CPNE4: variants seen among roughly 807,000 people sequenced by gnomAD.
The protein encoded by CPNE4 is copine 4.
In CPNE4, 25 loss-of-function variants were observed where a neutral mutation model predicts 67.9. The ratio of observed to expected loss-of-function variants is 0.37; its 90% CI spans 0.27 to 0.51. The LOEUF is 0.51. CPNE4 is among the 20% of genes least tolerant of loss of function. The pLI, the probability that CPNE4 is intolerant of heterozygous loss-of-function variation, is 0.93. For missense variants in CPNE4, 464 were observed against 690.8 expected, an observed-to-expected ratio of 0.67 and a Z score of 3.68; for synonymous variants, 242 against 244.9, an observed-to-expected ratio of 0.99 and a Z score of 0.11.
chr3:131,766,048 A>G (rs982416322), intron 2 of CPNE4, among the ~76,000 whole-genome samples: 1 of 152,128 alleles, frequency 6.6e-6, no homozygotes, highest in Admixed American at 6.6e-5. Flanking sequence ...CAGAAGGTCC[A>G]TTTGTTGGTG....
chr3:131,820,406 A>G (rs1479340364), intron 2 of CPNE4, among the ~76,000 whole-genome samples: 1 of 152,148 alleles, frequency 6.6e-6, no homozygotes, highest in Non-Finnish European at 1.5e-5. Flanking sequence ...CAGCCAATAA[A>G]TGTGGCTGCT....
intron 2 of CPNE4, among the ~76,000 whole-genome samples, chr3:131,824,440 C>A (rs985926841): frequency 1.3e-5 from 2 of 152,128 alleles, no homozygotes; most frequent in African/African-American, 4.8e-5. Context: ...ACATCAGCAA[C>A]CTTTGAAAAT....
At chr3:131,855,640 T>C (rs1219985755) in intron 2 of CPNE4, among the ~76,000 whole-genome samples, 2 of 151,966 alleles carry the variant, frequency 1.3e-5, no homozygotes, top group African/African-American at 4.8e-5. Flanking sequence ...AGGTAAAGCC[T>C]GGGCTCTGGA....
intron 1 of CPNE4, among the ~76,000 whole-genome samples, chr3:131,958,763 A>G (rs925165535): frequency 4.6e-5 from 7 of 150,972 alleles, no homozygotes; most frequent in Non-Finnish European, 8.9e-5. Flanking sequence ...GGTTCAAGCA[A>G]TTCCCCTGCC....
intron 7 of CPNE4, among the ~76,000 whole-genome samples, chr3:131,597,445 G>T (rs1415933104): frequency 2.0e-5 from 3 of 152,032 alleles, no homozygotes; most frequent in Admixed American, 2.0e-4. Context: ...ATGTAACCCG[G>T]AACTTAAAGT....
chr3:131,549,363 A>G (rs1281811242), intron 14 of CPNE4, among the ~76,000 whole-genome samples: 2 of 152,210 alleles, frequency 1.3e-5, no homozygotes, highest in Admixed American at 1.3e-4. Flanking sequence ...ACATGTATTA[A>G]TGTTATTAAA....
chr3:131,847,934 C>T (rs1228755401), intron 2 of CPNE4, among the ~76,000 whole-genome samples: 1 of 152,128 alleles, frequency 6.6e-6, no homozygotes, highest in East Asian at 1.9e-4. Context: ...GCAACTGTGG[C>T]TCTGCACAGC....
chr3:131,657,462 G>A (rs978813828), intron 7 of CPNE4, among the ~76,000 whole-genome samples: 3 of 151,616 alleles, frequency 2.0e-5, no homozygotes, highest in South Asian at 2.1e-4. Flanking sequence ...AAGATATACT[G>A]TGGCTCACCT....
chr3:131,828,370 T>C (rs2085245382), intron 2 of CPNE4, among the ~76,000 whole-genome samples: 1 of 152,224 alleles, frequency 6.6e-6, no homozygotes. Flanking sequence ...TTTTGGTTCA[T>C]GTAAATAGAA....
In CPNE4 at chr3:131,990,204, T is replaced by C. The variant is rs541316972; in HGVS notation, c.-2+44363A>G. 1.2e-4 allele frequency among the ~76,000 whole-genome samples: 17 copies of C among 137,028 alleles called. 2 individuals are homozygous for C. The highest frequency in any genetic ancestry group is 3.7e-3 in the Middle Eastern group (1 of 268). The allele number at this position is 137,028 out of a possible 152,430, so 89.9% of individuals were successfully genotyped here. ...TCTCCAAGATAGAAAGATTTATCTA[T>C]ATTTAATTCTCTAAAAGAAAAGATA... On this transcript the variant is annotated intron_variant, in intron 1 of 15. Coordinates refer to ENST00000429747, the MANE Select transcript of CPNE4 (RefSeq NM_130808.3).
intron 2 of CPNE4, among the ~76,000 whole-genome samples, chr3:131,849,403 A>C (rs1251084733): frequency 1.3e-5 from 2 of 152,080 alleles, no homozygotes; most frequent in African/African-American, 4.8e-5. Context: ...ATGGAAGGGG[A>C]GGGAAACAGG....
intron 2 of CPNE4, among the ~76,000 whole-genome samples, chr3:131,820,446 G>A (rs1560393609): frequency 6.6e-6 from 1 of 152,206 alleles, no homozygotes; most frequent in Non-Finnish European, 1.5e-5. Flanking sequence ...TGGTGAGGGG[G>A]CTCTCTGCAG....
At chr3:131,615,895 A>G (rs1230072087) in intron 7 of CPNE4, among the ~76,000 whole-genome samples, 1 of 96,300 alleles carries the variant, frequency 1.0e-5, no homozygotes, top group Non-Finnish European at 2.0e-5. Flanking sequence ...TCTCTCTCAC[A>G]CACACACACA....
chr3:131,862,296 A>G (rs2086723448), intron 2 of CPNE4, among the ~76,000 whole-genome samples: 1 of 151,984 alleles, frequency 6.6e-6, no homozygotes, highest in South Asian at 2.1e-4. Context: ...AGTCATCTTG[A>G]CTCCACCTTC....
intron 2 of CPNE4, among the ~76,000 whole-genome samples, chr3:131,867,698 T>C (rs2087014898): frequency 6.6e-6 from 1 of 152,194 alleles, no homozygotes; most frequent in Admixed American, 6.5e-5. Flanking sequence ...GGACAGGATA[T>C]TGAATATTCT....
intron 2 of CPNE4, among the ~76,000 whole-genome samples, chr3:131,739,942 A>G (rs974702991): frequency 6.6e-6 from 1 of 152,246 alleles, no homozygotes; most frequent in Non-Finnish European, 1.5e-5. Context: ...TGTACCATAT[A>G]TGAATGTCAA....
chr3:131,913,498 G>T (rs1183989378), intron 1 of CPNE4, among the ~76,000 whole-genome samples: 1 of 152,184 alleles, frequency 6.6e-6, no homozygotes, highest in Non-Finnish European at 1.5e-5. Flanking sequence ...TCTGAGGGAA[G>T]AATCAGGGAA....
intron 2 of CPNE4, among the ~76,000 whole-genome samples, chr3:131,757,591 T>C (rs1430763068): frequency 3.3e-5 from 5 of 152,138 alleles, no homozygotes; most frequent in African/African-American, 1.2e-4. Flanking sequence ...GAAAAGAAAA[T>C]CCCATTTTCT....
chr3:131,948,775 G>C (rs1046407515), intron 1 of CPNE4, among the ~76,000 whole-genome samples: 3 of 152,140 alleles, frequency 2.0e-5, no homozygotes, highest in Admixed American at 1.3e-4. Flanking sequence ...CTCAATAAGT[G>C]TTTATTAAAT....
Sources: gnomAD v4.1 joint callset for allele counts (sites outside exome capture counted in the v4.1 genomes callset) on GRCh38, gnomAD v4.1.1 for gene constraint, MANE v1.5 for transcripts, NCBI Gene and HGNC (gene_info 2026-07-23, HGNC 2026-07-21) for gene names.